The following PRELID2 variants were observed in gnomAD, a reference collection of about 807,000 sequenced individuals.
The protein encoded by PRELID2 is PRELI domain containing 2.
In PRELID2, 25 loss-of-function variants were observed where a neutral mutation model predicts 28.4. The ratio of observed to expected loss-of-function variants is 0.88; its 90% CI spans 0.64 to 1.23. The LOEUF (loss-of-function observed/expected upper bound fraction) is 1.23, where lower values mean the gene tolerates loss of function less well. Among genes scored for constraint, PRELID2 ranks in the 50% most tolerant of loss-of-function variants. PRELID2 has a pLI of 0.00. For missense variants in PRELID2, 201 were observed against 214.4 expected (o/e 0.94, Z 0.39); for synonymous variants, 76 against 71.6 (o/e 1.06, Z -0.31).
At chr5:145,594,498 C>CA (rs1487412905) in intron 1 of PRELID2, among the ~76,000 whole-genome samples, 3 of 151,944 alleles carry the variant, frequency 2.0e-5, no homozygotes, top group East Asian at 3.8e-4. Flanking sequence ...ACGCTCACTT[C>CA]AAAAAACGTA....
At chr5:145,310,890 T>C in the PRELID2 span, among the ~76,000 whole-genome samples, 1 of 152,146 alleles carries the variant, frequency 6.6e-6, no homozygotes, top group Admixed American at 6.5e-5. Context: ...AAATAAAAAT[T>C]CCAATCTTCC....
the PRELID2 span, among the ~76,000 whole-genome samples, chr5:145,266,359 C>CA: frequency 0.031 from 3,647 of 116,634 alleles, 140 homozygotes; most frequent in African/African-American, 0.095. Context: ...AGACAAAAAG[C>CA]AAAAAAAAAA....
At chr5:145,277,809 C>T in the PRELID2 span, among the ~76,000 whole-genome samples, 2 of 152,186 alleles carry the variant, frequency 1.3e-5, no homozygotes, top group Non-Finnish European at 2.9e-5. Flanking sequence ...GCCATTCTAG[C>T]TTGAGTTTCC....
chr5:145,640,708 G>T (rs150272694), intron 1 of PRELID2, among the ~76,000 whole-genome samples: 3 of 151,592 alleles, frequency 2.0e-5, no homozygotes, highest in Non-Finnish European at 4.4e-5. Flanking sequence ...GCAAGGCCAA[G>T]TGTCTTCAAG....
the PRELID2 span, among the ~76,000 whole-genome samples, chr5:145,336,410 T>G: frequency 2.0e-5 from 3 of 151,658 alleles, no homozygotes; most frequent in Non-Finnish European, 4.4e-5. Context: ...GTTTTAGGTC[T>G]AACGTTTAAG....
chr5:145,580,621 G>C lies in PRELID2; in HGVS notation n.71-107306C>G, dbSNP rs1237297793. ...CTGTTAATTCTGTAACCAAGGGGCA[G>C]AGTTGAAAACAGCTAAGCCTTATGT... On this transcript the variant is annotated intron_variant and non_coding_transcript_variant, in intron 1 of 2. Coordinates refer to the PRELID2 transcript ENST00000510259. Among the ~76,000 whole-genome samples, 6 of 152,142 alleles carry C rather than the reference G, an allele frequency of 3.9e-5. No individual in the cohort carries two copies. The East Asian group carries it at 1.2e-3, about 30-fold the overall frequency.
At chr5:145,390,134 A>T in the PRELID2 span, among the ~76,000 whole-genome samples, 1 of 152,200 alleles carries the variant, frequency 6.6e-6, no homozygotes. Context: ...CATAGGAAAG[A>T]CACCTAATCC....
intron 1 of PRELID2, among the ~76,000 whole-genome samples, chr5:145,725,637 G>A (rs1343862448): frequency 6.6e-6 from 1 of 152,154 alleles, no homozygotes; most frequent in Non-Finnish European, 1.5e-5. Flanking sequence ...AGTACTAAAG[G>A]ACATCAGTGT....
chr5:145,570,073 C>A (rs767175327), intron 1 of PRELID2, among the ~76,000 whole-genome samples: 2 of 152,170 alleles, frequency 1.3e-5, no homozygotes, highest in Non-Finnish European at 2.9e-5. Context: ...GCATCATCAT[C>A]CAGATCTCTG....
At chr5:145,409,447 A>C in the PRELID2 span, among the ~76,000 whole-genome samples, 1 of 152,192 alleles carries the variant, frequency 6.6e-6, no homozygotes, top group Admixed American at 6.5e-5. Flanking sequence ...ATAAAACTCC[A>C]CCAACCAAGT....
At chr5:145,402,952 G>A in the PRELID2 span, among the ~76,000 whole-genome samples, 1 of 152,188 alleles carries the variant, frequency 6.6e-6, no homozygotes, top group African/African-American at 2.4e-5. Context: ...TTGTCAAAGG[G>A]AAATTAGAGT....
intron 5 of PRELID2, among the ~76,000 whole-genome samples, chr5:145,767,005 T>C (rs1230934435): frequency 1.3e-5 from 2 of 152,074 alleles, no homozygotes; most frequent in Non-Finnish European, 2.9e-5. Context: ...AAATACTGGG[T>C]AGAAAAGGGC....
chr5:145,514,712 A>C (rs972058714), intron 1 of PRELID2, among the ~76,000 whole-genome samples: 1 of 152,178 alleles, frequency 6.6e-6, no homozygotes, highest in Non-Finnish European at 1.5e-5. Context: ...TCAGCATCAC[A>C]TCACACTTAT....
At chr5:145,819,834 A>T (rs189288190) in intron 3 of PRELID2, 111 bp downstream of exon 3, 2 of 764,452 alleles carry the variant, frequency 2.6e-6, no homozygotes, top group Non-Finnish European at 4.5e-6. Context: ...CTGAGGTAAA[A>T]GGAGTAGGAA....
At chr5:145,365,261 G>T in the PRELID2 span, among the ~76,000 whole-genome samples, 5 of 151,798 alleles carry the variant, frequency 3.3e-5, no homozygotes, top group African/African-American at 1.2e-4. Flanking sequence ...TGAAGGATTG[G>T]ATTTTACATG....
chr5:145,610,083 A>G (rs1160692158), intron 1 of PRELID2, among the ~76,000 whole-genome samples: 1 of 152,176 alleles, frequency 6.6e-6, no homozygotes, highest in Non-Finnish European at 1.5e-5. Context: ...CTGCCTCAGT[A>G]TAGAAGTGCA....
chr5:145,291,434 C>T, the PRELID2 span, among the ~76,000 whole-genome samples: 2 of 149,666 alleles, frequency 1.3e-5, no homozygotes, highest in East Asian at 4.0e-4. Context: ...AGTGATGTAT[C>T]TATGAAGGTT....
intron 1 of PRELID2, among the ~76,000 whole-genome samples, chr5:145,568,570 T>C (rs2149615898): frequency 6.6e-6 from 1 of 152,326 alleles, no homozygotes; most frequent in South Asian, 2.1e-4. Context: ...AAGAAGATGA[T>C]GACATGAAAA....
chr5:145,422,876 G>A, the PRELID2 span, among the ~76,000 whole-genome samples: 1 of 151,914 alleles, frequency 6.6e-6, no homozygotes, highest in Non-Finnish European at 1.5e-5. Context: ...GCTGGTACCG[G>A]TTGTTCCTTT....
Sources: gnomAD v4.1 joint callset for allele counts (sites outside exome capture counted in the v4.1 genomes callset) on GRCh38, gnomAD v4.1.1 for gene constraint, MANE v1.5 for transcripts, NCBI Gene and HGNC (gene_info 2026-07-23, HGNC 2026-07-21) for gene names.